The following CLPB variants were observed in gnomAD, a reference collection of about 807,000 sequenced individuals.
CLPB encodes the protein ClpB family mitochondrial disaggregase.
CLPB carries 40 observed loss-of-function variants against 78.4 expected under a neutral mutation model. That is an observed-to-expected ratio of 0.51 (90% CI 0.40 to 0.66). The LOEUF is 0.66. Ranked by LOEUF, CLPB falls within the 30% of genes least tolerant of loss-of-function variation. The pLI, the probability that CLPB is intolerant of heterozygous loss-of-function variation, is 0.00. For synonymous variants in CLPB, 333 were observed against 348.0 expected, an observed-to-expected ratio of 0.96 and a Z score of 0.48; for missense variants, 780 against 886.9, an observed-to-expected ratio of 0.88 and a Z score of 1.53.
chr11:72,372,824 T>C lies in CLPB; in HGVS notation c.646+7457A>G. On this transcript the variant is annotated intron_variant, in intron 4 of 15. Transcript: ENST00000538039. ...GTTAGGCTGGGCACACAGTGGGTGC[T>C]GGGTAGTTAACTTATACTGAGTAAA... The C allele has an allele frequency of 6.6e-6, 7 of 1,063,810 alleles. No individual in the cohort carries two copies. The South Asian group carries it at 9.1e-5, about 14-fold the overall frequency. 65.9% of individuals were successfully genotyped at this position (1,063,810 alleles called of 1,614,324 possible). A position where few individuals can be genotyped will look rare whatever the true frequency, so the allele number is the denominator to read the frequency against.
At chr11:72,431,213 A>C (rs749317448) in intron 1 of CLPB, among the ~76,000 whole-genome samples, 11 of 152,252 alleles carry the variant, frequency 7.2e-5, no homozygotes, top group Non-Finnish European at 1.3e-4. Flanking sequence ...CTCAAAAGTC[A>C]ACAGGAGAGG....
chr11:72,408,772 G>A (rs1365531207), intron 2 of CLPB, among the ~76,000 whole-genome samples: 3 of 151,752 alleles, frequency 2.0e-5, no homozygotes, highest in Non-Finnish European at 4.4e-5. Flanking sequence ...CCTCAGTGCA[G>A]AGCAGCCCAG....
At chr11:72,425,672 C>T (rs1856353950) in intron 2 of CLPB, among the ~76,000 whole-genome samples, 1 of 152,188 alleles carries the variant, frequency 6.6e-6, no homozygotes, top group Admixed American at 6.5e-5. Context: ...CAGGTCGCTA[C>T]CTGTCTCCAG....
chr11:72,364,698 C>T (rs1950908521), intron 4 of CLPB, among the ~76,000 whole-genome samples: 1 of 151,960 alleles, frequency 6.6e-6, no homozygotes, highest in Admixed American at 6.6e-5. Context: ...TTTTTCCTTT[C>T]CTCCTCCCTT....
intron 2 of CLPB, among the ~76,000 whole-genome samples, chr11:72,427,850 G>A (rs939047616): frequency 3.3e-5 from 5 of 152,318 alleles, no homozygotes; most frequent in African/African-American, 7.2e-5. Flanking sequence ...ATGAGTATGG[G>A]ATTCTGTCCT....
At chr11:72,378,074 C>A (rs1438744241) in intron 4 of CLPB, among the ~76,000 whole-genome samples, 1 of 152,192 alleles carries the variant, frequency 6.6e-6, no homozygotes, top group Non-Finnish European at 1.5e-5. Flanking sequence ...CATGAATGTA[C>A]ATTGTGGAGA....
rs201936481 is a variant in CLPB, at chr11:72,317,232, G to C, written c.874-12C>G. The C allele has an allele frequency of 7.3e-4, 1,160 of 1,596,524 alleles. 1 individual carries two copies. Among genetic ancestry groups the C allele is most frequent in the Non-Finnish European group, 9.2e-4 (1,072 of 1,170,392 alleles). The stretch of plus-strand genomic sequence containing the variant: ...TGCTTCTCTTGGTACTGTGGGGAGA[G>C]AGGGCAAATGGTTGAGGGCTGCCGG... On this transcript the variant is annotated splice_polypyrimidine_tract_variant and intron_variant, in intron 6 of 15. Transcript: ENST00000538039.
In CLPB at chr11:72,292,065, A is replaced by AAG. The variant is rs1207598974; in HGVS notation, c.*1301_*1302insCT. ...CTCAAAAAAAAAAAAAAAAAAAAAA[A>AAG]GGCAGTCAGTGAGGTAGGGAGCAGC... On this transcript the variant is annotated 3_prime_UTR_variant, in exon 16 of 16. Coordinates refer to ENST00000538039, the MANE Select transcript of CLPB (RefSeq NM_001258392.3). The AAG allele has an allele frequency of 4.7e-3, 696 of 147,802 alleles. 6 individuals are homozygous for AAG. The highest frequency in any genetic ancestry group is 0.018 in the African/African-American group (671 of 38,264). The allele number at this position is 147,802 out of a possible 1,614,324, so 9.2% of individuals were successfully genotyped here.
intron 3 of CLPB, among the ~76,000 whole-genome samples, chr11:72,397,494 T>C (rs1855441803): frequency 6.6e-6 from 1 of 152,206 alleles, no homozygotes. Flanking sequence ...TTCCTATCAG[T>C]GATGTATCAA....
intron 4 of CLPB, among the ~76,000 whole-genome samples, chr11:72,361,659 C>T (rs2135623608): frequency 6.6e-6 from 1 of 152,314 alleles, no homozygotes; most frequent in Non-Finnish European, 1.5e-5. Context: ...CCACATAGGA[C>T]ATTAACTGCT....
chr11:72,301,230 G>C (rs1949649804), intron 11 of CLPB, among the ~76,000 whole-genome samples: 1 of 152,186 alleles, frequency 6.6e-6, no homozygotes, highest in Admixed American at 6.5e-5. Context: ...ACGAGCAGGG[G>C]AACTGGACAG....
chr11:72,408,543 TG>T (rs1214470882), intron 2 of CLPB, among the ~76,000 whole-genome samples: 1 of 151,630 alleles, frequency 6.6e-6, no homozygotes, highest in African/African-American at 2.4e-5. Context: ...GGCACACACC[TG>T]TAATCCCAGC....
intron 2 of CLPB, among the ~76,000 whole-genome samples, chr11:72,428,124 T>G (rs1376523305): frequency 6.6e-6 from 1 of 152,102 alleles, no homozygotes; most frequent in African/African-American, 2.4e-5. Context: ...TGGGTCACCA[T>G]CCCCATCCCC....
chr11:72,380,367 A>G lies in CLPB; in HGVS notation c.560T>C (p.Leu187Pro), dbSNP rs1276704644. 6.2e-7 allele frequency: 1 copy of G among 1,614,144 alleles called. No individual in the cohort carries two copies. The highest frequency in any genetic ancestry group is 2.2e-5 in the East Asian group (1 of 44,884). The change falls in exon 4 of 16, where the codon CTT becomes CCT. Residue 187 changes from leucine (L) to proline (P), a missense_variant. Physicochemically the swap from Leu to Pro is moderately conservative, Grantham distance 98 (BLOSUM62 -3). Transcript: ENST00000538039. Reference sequence around the variant, plus strand: ...AAGGTTTGGATCAGCCCCAGCAGCAAGCAGGACCTGTACCACACTAGAAGA... The same window carrying G: ...AAGGTTTGGATCAGCCCCAGCAGCAGGCAGGACCTGTACCACACTAGAAGA... ...NRNNSVVQVL[L>P]AAGADPNLGD...
intron 7 of CLPB, among the ~76,000 whole-genome samples, chr11:72,311,342 A>G (rs1033711477): frequency 5.0e-4 from 76 of 152,210 alleles, no homozygotes; most frequent in African/African-American, 1.8e-3. Context: ...TGTGGCCAGC[A>G]AATGTATTTA....
At chr11:72,317,332 T>G (rs1350527526) in intron 6 of CLPB, 112 bp from the exon 7 acceptor site, 5 of 733,234 alleles carry the variant, frequency 6.8e-6, no homozygotes, top group Non-Finnish European at 1.1e-5. Context: ...GGGTCCTGCT[T>G]CATAGCTGTG....
chr11:72,344,613 G>A (rs967679784), intron 5 of CLPB, among the ~76,000 whole-genome samples: 2 of 151,986 alleles, frequency 1.3e-5, no homozygotes, highest in Non-Finnish European at 2.9e-5. Context: ...ACCGAAGCCC[G>A]AGTCCTCAGC....
intron 4 of CLPB, among the ~76,000 whole-genome samples, chr11:72,363,052 A>G (rs755806040): frequency 1.3e-5 from 2 of 152,082 alleles, no homozygotes; most frequent in Non-Finnish European, 2.9e-5. Flanking sequence ...GCTACTCGGG[A>G]GGCTGAGGTG....
intron 2 of CLPB, among the ~76,000 whole-genome samples, chr11:72,412,368 C>T (rs1366799970): frequency 2.6e-5 from 4 of 152,158 alleles, no homozygotes; most frequent in Admixed American, 2.0e-4. Flanking sequence ...GAGAGGCTGG[C>T]AGGTATGCAG....
Sources: gnomAD v4.1 joint callset for allele counts (sites outside exome capture counted in the v4.1 genomes callset) on GRCh38, gnomAD v4.1.1 for gene constraint, MANE v1.5 for transcripts, NCBI Gene and HGNC (gene_info 2026-07-23, HGNC 2026-07-21) for gene names.